HEXD: variants seen among roughly 807,000 people sequenced by gnomAD.
HEXD encodes the protein N-acetyl-beta-galactosaminidase.
Under a neutral mutation model 54.2 loss-of-function variants are expected in HEXD, and 47 were observed. The ratio of observed to expected loss-of-function variants is 0.87; its 90% CI spans 0.69 to 1.11. The LOEUF is 1.11. HEXD is among the 50% of genes least tolerant of loss of function. The pLI is 0.00. For missense variants in HEXD, 576 were observed against 649.2 expected (o/e 0.89, Z 1.23); for synonymous variants, 293 against 287.6 (o/e 1.02, Z -0.19).
In HEXD at chr17:82,442,114, C is replaced by A; in HGVS notation, c.1254-63C>A. 1 of 1,548,230 alleles carries A rather than the reference C, an allele frequency of 6.5e-7. No homozygotes were observed. The highest frequency in any genetic ancestry group is 8.7e-7 in the Non-Finnish European group (1 of 1,144,870). Reference sequence around the variant, plus strand: ...GAACTGAGGCACAGGGCAGTACTGACCATGGGGCTGAGGGCAAGTCCCAAG... The same window carrying A: ...GAACTGAGGCACAGGGCAGTACTGAACATGGGGCTGAGGGCAAGTCCCAAG... On this transcript the variant is annotated intron_variant, in intron 12 of 12. Transcript: ENST00000327949. This position sits in a 1 kb window ranked among gnomAD's most constrained non-coding sequence, Gnocchi z 6.8.
chr17:82,431,652 A>C (rs2053580645), intron 4 of HEXD, among the ~76,000 whole-genome samples: 1 of 151,882 alleles, frequency 6.6e-6, no homozygotes, highest in South Asian at 2.1e-4. Context: ...CCTGACCTGA[A>C]GTGATCTGCC....
intron 3 of HEXD, among the ~76,000 whole-genome samples, chr17:82,425,053 A>AGGAGGCTGGAGGAGGCCG (rs2143423752): frequency 6.9e-6 from 1 of 144,532 alleles, no homozygotes; most frequent in African/African-American, 2.6e-5. Context: ...GGAGGAGGCC[A>AGGAGGCTGGAGGAGGCCG]GAGAAGGCTG....
intron 3 of HEXD, 82 bp downstream of exon 3, chr17:82,424,585 C>A: frequency 2.2e-6 from 2 of 926,900 alleles, no homozygotes; most frequent in Non-Finnish European, 3.5e-6. Flanking sequence ...GAGCAGCAAC[C>A]TGGAGGTGCG....
chr17:82,420,721 C>T (rs915008949), intron 2 of HEXD, among the ~76,000 whole-genome samples: 22 of 152,184 alleles, frequency 1.4e-4, no homozygotes, highest in Admixed American at 3.9e-4. Flanking sequence ...GTGCCTGCCA[C>T]CATGCCTGGC....
intron 6 of HEXD, 58 bp from the exon 7 acceptor site, chr17:82,436,609 G>A (rs377283733): frequency 8.2e-4 from 1,182 of 1,440,010 alleles, no homozygotes; most frequent in Non-Finnish European, 9.7e-4. Flanking sequence ...AGGTGGGTCC[G>A]AGGGGCTGAG....
In HEXD at chr17:82,434,919, G is replaced by T. The variant is rs1361184354; in HGVS notation, c.448-770G>T. ...CCAGCACTTTGGGAGGCTGAGGCAG[G>T]TGGACCACCTGAGATCAGGAGTTCA... is the stretch of plus-strand genomic sequence containing the variant. On this transcript the variant is annotated intron_variant, in intron 5 of 12. Transcript: ENST00000327949. This position sits in a 1 kb window ranked among gnomAD's most constrained non-coding sequence, Gnocchi z 4.5. Among the ~76,000 whole-genome samples, 1 of 151,954 alleles carries T rather than the reference G, an allele frequency of 6.6e-6. No homozygotes were observed. Among genetic ancestry groups the T allele is most frequent in the East Asian group, 1.9e-4 (1 of 5,190 alleles).
Position 82,441,364 on chromosome 17 carries a change from AGGGGCAGGTGCAGGTGAGCGGGCAGGCAT to A in HEXD, c.1163+110_1163+138del, listed in dbSNP as rs2053953635. The A allele has an allele frequency of 6.3e-5, 62 of 978,132 alleles. No homozygotes were observed. The South Asian group carries it at 9.6e-4, about 15-fold the overall frequency. 60.6% of individuals were successfully genotyped at this position (978,132 alleles called of 1,614,324 possible). A position where few individuals can be genotyped will look rare whatever the true frequency, so the allele number is the denominator to read the frequency against. On this transcript the variant is annotated intron_variant, in intron 11 of 12. Transcript: ENST00000327949. ...TGTGGGTGGGAGGCAGGTGCGGGTG[AGGGGCAGGTGCAGGTGAGCGGGCAGGCAT>A]GGGGCAGGTGCGGGTGAGGGGCAGG...
At chr17:82,422,782 C>T (rs919802025) in intron 2 of HEXD, among the ~76,000 whole-genome samples, 6 of 152,022 alleles carry the variant, frequency 3.9e-5, no homozygotes, top group Admixed American at 1.3e-4. Context: ...TTGGGCCAGG[C>T]GCGGTGGCTC....
At chr17:82,421,299 A>G (rs1344369501) in intron 2 of HEXD, among the ~76,000 whole-genome samples, 1 of 152,194 alleles carries the variant, frequency 6.6e-6, no homozygotes, top group Non-Finnish European at 1.5e-5. Flanking sequence ...ACTTCCTTCC[A>G]GAGGAACAGC....
At position 82,442,336 on chromosome 17, in the gene HEXD, C is replaced by G. The variant is rs745586320; in HGVS notation, c.1413C>G (p.Pro471=). Reference sequence around the variant, plus strand: ...AGGACCTCAGCGAGGTGTCTGCCCCCCCGCTGCCACCCACCAGCCCTGGCA... The same window carrying G: ...AGGACCTCAGCGAGGTGTCTGCCCCGCCGCTGCCACCCACCAGCCCTGGCA... ...LLQDLSEVSA[P]PLPPTSPGRD... Residue 471 remains proline (P), a synonymous_variant, in exon 13 of 13, where the codon CCC becomes CCG. Coordinates refer to ENST00000327949, the MANE Select transcript of HEXD (RefSeq NM_001330542.2). This position sits in a 1 kb window ranked among gnomAD's most constrained non-coding sequence, Gnocchi z 6.8. The G allele has an allele frequency of 7.4e-6, 12 of 1,610,756 alleles. No homozygotes were observed. The highest frequency in any genetic ancestry group is 2.2e-5 in the South Asian group (2 of 91,076).
At chr17:82,433,127 TA>T (rs1466784479) in intron 4 of HEXD, among the ~76,000 whole-genome samples, 428 of 14,752 alleles carry the variant, frequency 0.029, 10 homozygotes, top group Non-Finnish European at 0.033. Flanking sequence ...TATATATATA[TA>T]TTTTTTTTTT....
rs117110116 is a variant in HEXD, at chr17:82,439,406, C to G, written c.900-225C>G. On this transcript the variant is annotated intron_variant, in intron 8 of 12. Transcript: ENST00000327949. Reference sequence around the variant, plus strand: ...AGAGCATTGCAGCAAGGAATCCCCACGCTCTTCACTTGTCCGGTTTCTAGA... The same window carrying G: ...AGAGCATTGCAGCAAGGAATCCCCAGGCTCTTCACTTGTCCGGTTTCTAGA... 7.1e-6 allele frequency: 7 copies of G among 982,158 alleles called. No homozygotes were observed. The African/African-American group carries it at 1.2e-4, about 17-fold the overall frequency. 60.8% of individuals were successfully genotyped at this position (982,158 alleles called of 1,614,324 possible). A position where few individuals can be genotyped will look rare whatever the true frequency, so the allele number is the denominator to read the frequency against.
intron 2 of HEXD, chr17:82,420,124 CTTT>C (rs1234992635): frequency 2.9e-6 from 1 of 343,936 alleles, no homozygotes; most frequent in Non-Finnish European, 5.3e-6. Flanking sequence ...CTCACAGCTT[CTTT>C]CTTTTGGGTT....
Position 82,442,643 on chromosome 17 carries a change from T to A in HEXD, c.*259T>A. On this transcript the variant is annotated 3_prime_UTR_variant, in exon 13 of 13. Coordinates refer to ENST00000327949, the MANE Select transcript of HEXD (RefSeq NM_001330542.2). This position sits in a 1 kb window ranked among gnomAD's most constrained non-coding sequence, Gnocchi z 6.8. Reference sequence around the variant, plus strand: ...GGAAATAAAGAGTGGAAGCTGCAGGTGACACGTGAAGGGTTATTTATGGTT... The same window carrying A: ...GGAAATAAAGAGTGGAAGCTGCAGGAGACACGTGAAGGGTTATTTATGGTT... 1 of 1,503,648 alleles carries A rather than the reference T, an allele frequency of 6.7e-7. No homozygotes were observed. Among genetic ancestry groups the A allele is most frequent in the Middle Eastern group, 1.8e-4 (1 of 5,606 alleles). The allele number at this position is 1,503,648 out of a possible 1,614,324, so 93.1% of individuals were successfully genotyped here.
At chr17:82,429,214 C>T (rs1239942089) in intron 4 of HEXD, among the ~76,000 whole-genome samples, 5 of 152,058 alleles carry the variant, frequency 3.3e-5, no homozygotes, top group African/African-American at 1.2e-4. Context: ...GAGCCAAGAT[C>T]GCACCACTGC....
rs1567902141 is a variant in HEXD, at chr17:82,442,641, G to A, written c.*257G>A. On this transcript the variant is annotated 3_prime_UTR_variant, in exon 13 of 13. Transcript: ENST00000327949. This position sits in a 1 kb window ranked among gnomAD's most constrained non-coding sequence, Gnocchi z 6.8. The stretch of plus-strand genomic sequence containing the variant: ...TTGGAAATAAAGAGTGGAAGCTGCA[G>A]GTGACACGTGAAGGGTTATTTATGG... The A allele has an allele frequency of 6.6e-7, 1 of 1,505,130 alleles. No individual in the cohort carries two copies. Among genetic ancestry groups the A allele is most frequent in the Non-Finnish European group, 9.0e-7 (1 of 1,110,744 alleles). The allele number at this position is 1,505,130 out of a possible 1,614,324, so 93.2% of individuals were successfully genotyped here. A position where few individuals can be genotyped will look rare whatever the true frequency, so the allele number is the denominator to read the frequency against.
At position 82,441,332 on chromosome 17, in the gene HEXD, GGGCAGGTGTGGGTGGGA is replaced by G. The variant is rs1240204731; in HGVS notation, c.1163+75_1163+91del. 3.9e-5 allele frequency: 56 copies of G among 1,435,678 alleles called. 1 individual carries two copies. Among genetic ancestry groups the G allele is most frequent in the Non-Finnish European group, 4.3e-5 (46 of 1,067,554 alleles). 88.9% of individuals were successfully genotyped at this position (1,435,678 alleles called of 1,614,324 possible). On this transcript the variant is annotated intron_variant, in intron 11 of 12. Transcript: ENST00000327949. ...AGGCATGGGGCGGGTGCAGGTGAGG[GGGCAGGTGTGGGTGGGA>G]GGCAGGTGCGGGTGAGGGGCAGGTG... is the stretch of plus-strand genomic sequence containing the variant.
Position 82,442,596 on chromosome 17 carries a change from G to C in HEXD, c.*212G>C, listed in dbSNP as rs373593415. 4.5e-6 allele frequency: 7 copies of C among 1,563,438 alleles called. No homozygotes were observed. The highest frequency in any genetic ancestry group is 1.4e-5 in the African/African-American group (1 of 73,744). The stretch of plus-strand genomic sequence containing the variant: ...CACAGGGAGACCCGCTTTGTGATCT[G>C]CATGTGTGACACTGATTCTTTGGAA... On this transcript the variant is annotated 3_prime_UTR_variant, in exon 13 of 13. Transcript: ENST00000327949. This position sits in a 1 kb window ranked among gnomAD's most constrained non-coding sequence, Gnocchi z 6.8.
chr17:82,433,076 A>AG (rs2053630691), intron 4 of HEXD, among the ~76,000 whole-genome samples: 1 of 14,842 alleles, frequency 6.7e-5, no homozygotes, highest in East Asian at 0.017. Context: ...AAAAAAAAAA[A>AG]GAAAAAAAAA....
Sources: gnomAD v4.1 joint callset for allele counts (sites outside exome capture counted in the v4.1 genomes callset) on GRCh38, gnomAD v4.1.1 for gene constraint, Gnocchi (gnomAD v3.1) non-coding constraint, MANE v1.5 for transcripts, NCBI Gene and HGNC (gene_info 2026-07-23, HGNC 2026-07-21) for gene names.